The following POLN variants were observed in gnomAD, a reference collection of about 807,000 sequenced individuals.
POLN encodes DNA polymerase N.
Under a neutral mutation model 113.5 loss-of-function variants are expected in POLN, and 108 were observed. The ratio of observed to expected loss-of-function variants is 0.95; its 90% CI spans 0.81 to 1.12. The LOEUF (loss-of-function observed/expected upper bound fraction) is 1.12, where lower values mean the gene tolerates loss of function less well. Among genes scored for constraint, POLN ranks in the 50% most tolerant of loss-of-function variants. The pLI is 0.00. For missense variants in POLN, 1,097 were observed against 1,077.1 expected (o/e 1.02, Z -0.26); for synonymous variants, 386 against 391.5 (o/e 0.99, Z 0.17).
chr4:2,178,491 G>GTC (rs959879392), intron 8 of POLN, among the ~76,000 whole-genome samples: 58 of 152,306 alleles, frequency 3.8e-4, no homozygotes, highest in African/African-American at 1.3e-3. Context: ...CTGCTGAGAA[G>GTC]TCTCTCTCTC....
rs1426713034 is a variant in POLN, at chr4:2,093,591, G to A, written c.2065+2260C>T. 1.3e-5 allele frequency among the ~76,000 whole-genome samples: 2 copies of A among 152,186 alleles called. No individual in the cohort carries two copies. The highest frequency in any genetic ancestry group is 4.8e-5 in the African/African-American group (2 of 41,434). ...CCGGCAGAGCAGAAGCAAATGTTATGTTTGCAACACAAGATGCAGCAGGAT... is the reference window on the plus strand; with the variant it reads ...CCGGCAGAGCAGAAGCAAATGTTATATTTGCAACACAAGATGCAGCAGGAT... On this transcript the variant is annotated intron_variant, in intron 20 of 25. Coordinates refer to ENST00000511885, the MANE Select transcript of POLN (RefSeq NM_181808.4). The surrounding 1 kb of genome is among the most constrained non-coding windows in gnomAD (Gnocchi z 4.1).
chr4:2,194,186 A>C (rs1190900773), intron 6 of POLN, among the ~76,000 whole-genome samples: 1 of 152,192 alleles, frequency 6.6e-6, no homozygotes, highest in Non-Finnish European at 1.5e-5. Context: ...ATGACTAACA[A>C]ATGGCAATGC....
At chr4:2,236,203 T>C in intron 2 of POLN, 1 of 1,426,986 alleles carries the variant, frequency 7.0e-7, no homozygotes. Flanking sequence ...AAAAAGCATT[T>C]TTAACTACTA....
chr4:2,170,910 T>G (rs1222853790), intron 12 of POLN, 136 bp from the exon 13 acceptor site: 1 of 932,692 alleles, frequency 1.1e-6, no homozygotes, highest in Non-Finnish European at 1.6e-6. Flanking sequence ...AATTCTCATT[T>G]AGTACTTTTC....
intron 20 of POLN, among the ~76,000 whole-genome samples, 162 bp from the exon 21 acceptor site, chr4:2,085,906 C>T (rs904535766): frequency 2.6e-5 from 4 of 152,130 alleles, no homozygotes; most frequent in East Asian, 3.9e-4. Flanking sequence ...GCCAATCAAT[C>T]GGGACTGGGG....
chr4:2,135,072 C>T (rs1731820647), intron 16 of POLN, among the ~76,000 whole-genome samples: 2 of 152,154 alleles, frequency 1.3e-5, no homozygotes, highest in Non-Finnish European at 2.9e-5. Flanking sequence ...CAAATCTGGC[C>T]TTCTGGGAGT....
chr4:2,178,918 C>T (rs1733064100), intron 8 of POLN, among the ~76,000 whole-genome samples: 1 of 152,196 alleles, frequency 6.6e-6, no homozygotes, highest in Middle Eastern at 3.4e-3. Flanking sequence ...AGCCCGAGAC[C>T]CAGGGCAGTT....
chr4:2,177,831 G>A (rs574598185), intron 8 of POLN, among the ~76,000 whole-genome samples: 1 of 152,170 alleles, frequency 6.6e-6, no homozygotes, highest in Non-Finnish European at 1.5e-5. Flanking sequence ...TACAAGGAGG[G>A]AAAGAAAACA....
chr4:2,085,652 C>A lies in POLN; in HGVS notation c.2158G>T (p.Asp720Tyr). Residue 720 changes from aspartate to tyrosine, a missense_variant, in exon 21 of 26, where the codon GAC becomes TAC. By Grantham distance (160) the Asp-to-Tyr change is radical. Transcript: ENST00000511885. ...TGGGCAATAGCTGCTCGGGCGAAGTCCTTGATTTTCTTGTACTTCTGCAAA... is the reference window on the plus strand; with the variant it reads ...TGGGCAATAGCTGCTCGGGCGAAGTACTTGATTTTCTTGTACTTCTGCAAA... ...SFLQKYKKIK[D>Y]FARAAIAQCH... 3.1e-6 allele frequency: 5 copies of A among 1,614,134 alleles called. No individual in the cohort carries two copies. The highest frequency in any genetic ancestry group is 4.2e-6 in the Non-Finnish European group (5 of 1,180,036).
intron 16 of POLN, among the ~76,000 whole-genome samples, chr4:2,137,157 A>G (rs1191532492): frequency 6.6e-6 from 1 of 152,232 alleles, no homozygotes; most frequent in Non-Finnish European, 1.5e-5. Flanking sequence ...AAAAATAAAT[A>G]ATTTTCACAA....
chr4:2,075,350 G>A (rs1730250340), intron 24 of POLN, 102 bp downstream of exon 24: 1 of 1,275,826 alleles, frequency 7.8e-7, no homozygotes, highest in African/African-American at 1.5e-5. Flanking sequence ...GGCCATAAAA[G>A]GGAAGACAGC....
chr4:2,125,705 TG>T (rs1731561503), intron 19 of POLN, among the ~76,000 whole-genome samples: 1 of 152,084 alleles, frequency 6.6e-6, no homozygotes, highest in Non-Finnish European at 1.5e-5. Context: ...GAGATAACAA[TG>T]GGTCTATGTG....
intron 20 of POLN, chr4:2,089,225 C>T: frequency 6.5e-7 from 1 of 1,532,578 alleles, no homozygotes; most frequent in South Asian, 1.2e-5. Flanking sequence ...TTGTATACAT[C>T]AATTGTTTCT....
intron 2 of POLN, chr4:2,238,746 GAT>G: frequency 6.2e-7 from 1 of 1,613,704 alleles, no homozygotes; most frequent in Non-Finnish European, 8.5e-7. Flanking sequence ...TCAAGTTGAC[GAT>G]ATATGTCCCG....
rs1732932892 is a variant in POLN, at chr4:2,174,025, A to T, written c.1310-6T>A. ...AATGGCATGGCTTTCCATCACTGTG[A>T]TTCGAAACCCAAACCAGATCATATT... On this transcript the variant is annotated splice_polypyrimidine_tract_variant and splice_region_variant and intron_variant, in intron 10 of 25. Coordinates refer to ENST00000511885, the MANE Select transcript of POLN (RefSeq NM_181808.4). 2 of 1,613,888 alleles carry T rather than the reference A, an allele frequency of 1.2e-6. No homozygotes were observed. Among genetic ancestry groups the T allele is most frequent in the African/African-American group, 2.7e-5 (2 of 74,904 alleles).
chr4:2,095,743 C>T (rs1577688682), intron 20 of POLN, 108 bp downstream of exon 20: 2 of 992,180 alleles, frequency 2.0e-6, no homozygotes, highest in Non-Finnish European at 3.2e-6. Context: ...ATAAACAACA[C>T]CCAGGGACTC....
intron 16 of POLN, among the ~76,000 whole-genome samples, chr4:2,150,002 G>A (rs1293754674): frequency 6.6e-6 from 1 of 151,946 alleles, no homozygotes; most frequent in Admixed American, 6.6e-5. Context: ...AGAATCGCTT[G>A]AACCCGGGAG....
At chr4:2,138,918 GA>G (rs1385678138) in intron 16 of POLN, among the ~76,000 whole-genome samples, 1 of 150,134 alleles carries the variant, frequency 6.7e-6, no homozygotes, top group Non-Finnish European at 1.5e-5. Flanking sequence ...GAAAAGAAAA[GA>G]AAAAGGTGAA....
intron 23 of POLN, chr4:2,078,507 C>T: frequency 1.3e-6 from 1 of 775,560 alleles, no homozygotes; most frequent in African/African-American, 1.9e-5. Context: ...GACTCTCGCT[C>T]TCGCCCAGGC....
Sources: allele counts gnomAD v4.1 joint callset (sites outside exome capture counted in the v4.1 genomes callset), GRCh38; gene constraint gnomAD v4.1.1; non-coding constraint Gnocchi (gnomAD v3.1); transcripts MANE v1.5; gene names NCBI Gene and HGNC (gene_info 2026-07-23, HGNC 2026-07-21).